The following UNC79 variants were observed in gnomAD, a reference collection of about 807,000 sequenced individuals.
UNC79 encodes the protein protein unc-79 homolog.
UNC79 carries 37 observed loss-of-function variants against 283.1 expected under a neutral mutation model. The observed-to-expected ratio is 0.13, with a 90% CI of 0.10 to 0.17. The LOEUF (loss-of-function observed/expected upper bound fraction) is 0.17, where lower values mean the gene tolerates loss of function less well. UNC79 is among the 10% of genes least tolerant of loss of function. The pLI is 1.00. For synonymous variants in UNC79, 1,107 were observed against 1,200.2 expected (o/e 0.92, Z 1.61); for missense variants, 2,272 against 3,211.1 (o/e 0.71, Z 7.07).
At chr14:93,391,071 C>T (rs2054872738) in intron 1 of UNC79, among the ~76,000 whole-genome samples, 1 of 152,086 alleles carries the variant, frequency 6.6e-6, no homozygotes, top group South Asian at 2.1e-4. Context: ...TTTCCTAAAG[C>T]TGCAGTAATT....
chr14:93,542,992 G>C (rs55915137), intron 14 of UNC79, among the ~76,000 whole-genome samples: 4 of 147,088 alleles, frequency 2.7e-5, no homozygotes, highest in Non-Finnish European at 5.9e-5. Flanking sequence ...TTGCTATGTC[G>C]CCCAGGCTGG....
chr14:93,389,889 G>A (rs947535008), intron 1 of UNC79, among the ~76,000 whole-genome samples: 1 of 152,192 alleles, frequency 6.6e-6, no homozygotes, highest in Non-Finnish European at 1.5e-5. Context: ...CTGACCTCAG[G>A]TGATCTGCCC....
chr14:93,544,396 A>G (rs1303518156), intron 14 of UNC79, among the ~76,000 whole-genome samples: 1 of 152,220 alleles, frequency 6.6e-6, no homozygotes, highest in Non-Finnish European at 1.5e-5. Context: ...GAACTGGGCT[A>G]TCTCCACAGC....
rs551149335 is a variant in UNC79 at position 93,388,904 on chromosome 14, G to A, written c.-351+55381G>A. Among the ~76,000 whole-genome samples, 10 of 152,286 alleles carry A rather than the reference G, an allele frequency of 6.6e-5. No homozygotes were observed. The South Asian group carries it at 1.9e-3, about 28-fold the overall frequency. On this transcript the variant is annotated intron_variant, in intron 1 of 49. Transcript: ENST00000256339. ...TTGATCAATCATTTTGTGTTCCAAT[G>A]TATCCAGGTTGGCTTCTTCCAGTAA...
intron 22 of UNC79, among the ~76,000 whole-genome samples, chr14:93,588,167 G>A (rs2064351715): frequency 1.3e-5 from 2 of 152,138 alleles, no homozygotes; most frequent in East Asian, 3.9e-4. Context: ...ACCCAAGTAT[G>A]AAGGGCCTTG....
exon 12 of UNC79, chr14:93,538,136 C>T: frequency 1.2e-6 from 2 of 1,614,090 alleles, no homozygotes; most frequent in Non-Finnish European, 1.7e-6. Context: ...GGAGACTCAC[C>T]TCTATCAGAC....
upstream of UNC79, among the ~76,000 whole-genome samples, chr14:93,427,261 G>A (rs1339488736): frequency 6.6e-6 from 1 of 152,052 alleles, no homozygotes; most frequent in African/African-American, 2.4e-5. Context: ...GGCATTTTGG[G>A]TCAATCAAGC....
At chr14:93,582,122 T>C in intron 19 of UNC79, 81 bp from the exon 20 acceptor site, 1 of 1,605,988 alleles carries the variant, frequency 6.2e-7, no homozygotes. Flanking sequence ...AGGTGTGCAG[T>C]CCAGCTTTGC....
At chr14:93,552,280 A>C (rs1284407149) in intron 14 of UNC79, among the ~76,000 whole-genome samples, 1 of 152,236 alleles carries the variant, frequency 6.6e-6, no homozygotes, top group Non-Finnish European at 1.5e-5. Context: ...AAAGAAAAAC[A>C]ACTGTTAATG....
chr14:93,385,777 C>CA (rs1277669969), intron 1 of UNC79, among the ~76,000 whole-genome samples: 70 of 143,276 alleles, frequency 4.9e-4, no homozygotes, highest in Middle Eastern at 3.6e-3. Flanking sequence ...AGACTGTCCC[C>CA]AAAAAAAAAA....
chr14:93,334,218 T>G lies in UNC79; in HGVS notation c.-351+695T>G, dbSNP rs1308500024. On this transcript the variant is annotated intron_variant, in intron 1 of 49. Transcript: ENST00000256339. ...TATCATTGTTGTTTTCCTCTGGACTTCCTTCAGATTTGTATTTTCCTCACC... is the reference window on the plus strand; with the variant it reads ...TATCATTGTTGTTTTCCTCTGGACTGCCTTCAGATTTGTATTTTCCTCACC... Among the ~76,000 whole-genome samples the G allele has an allele frequency of 3.3e-5, 5 of 152,376 alleles. No individual in the cohort carries two copies. In the South Asian group the frequency reaches 6.2e-4, roughly 19 times the overall value.
At chr14:93,631,410 G>A (rs923921778) in intron 31 of UNC79, among the ~76,000 whole-genome samples, 1 of 152,110 alleles carries the variant, frequency 6.6e-6, no homozygotes, top group African/African-American at 2.4e-5. Context: ...GAAATGGCAC[G>A]ACATTTTACA....
intron 1 of UNC79, among the ~76,000 whole-genome samples, chr14:93,464,849 C>T (rs2057101753): frequency 6.6e-6 from 1 of 152,144 alleles, no homozygotes; most frequent in Non-Finnish European, 1.5e-5. Flanking sequence ...TATTAACCAG[C>T]CAAATGACCA....
chr14:93,695,463 A>G (rs1202434371), intron 47 of UNC79, among the ~76,000 whole-genome samples: 1 of 152,234 alleles, frequency 6.6e-6, no homozygotes, highest in Non-Finnish European at 1.5e-5. Context: ...GCAAAAGTCA[A>G]CACTGTTGGA....
chr14:93,632,586 C>A (rs978108891), intron 31 of UNC79, among the ~76,000 whole-genome samples: 1 of 151,814 alleles, frequency 6.6e-6, no homozygotes, highest in Non-Finnish European at 1.5e-5. Flanking sequence ...ATAGTCCCAG[C>A]TACTGGGGAG....
exon 14 of UNC79, chr14:93,542,640 G>A (rs778166234): frequency 1.9e-6 from 3 of 1,614,210 alleles, no homozygotes; most frequent in Non-Finnish European, 2.5e-6. Flanking sequence ...CGTATGTGAT[G>A]TTCGCTTCGA....
At chr14:93,600,770 A>G in exon 25 of UNC79, 1 of 1,610,944 alleles carries the variant, frequency 6.2e-7, no homozygotes, top group Non-Finnish European at 8.5e-7. Context: ...TTTTCCTACA[A>G]GTAAGTAAAA....
intron 1 of UNC79, among the ~76,000 whole-genome samples, chr14:93,379,835 C>T (rs1040915737): frequency 6.6e-6 from 1 of 152,074 alleles, no homozygotes; most frequent in Non-Finnish European, 1.5e-5. Context: ...CAAAACCCAT[C>T]TGTTCCCCAA....
chr14:93,642,424 CAAA>C (rs5810634), intron 33 of UNC79, among the ~76,000 whole-genome samples: 33 of 106,152 alleles, frequency 3.1e-4, no homozygotes, highest in Non-Finnish European at 3.7e-4. Context: ...GACTCCATCT[CAAA>C]AAAAAAAAAA....
Sources: allele counts gnomAD v4.1 joint callset (sites outside exome capture counted in the v4.1 genomes callset), GRCh38; gene constraint gnomAD v4.1.1; transcripts MANE v1.5; gene names NCBI Gene and HGNC (gene_info 2026-07-23, HGNC 2026-07-21).